The following CRAMP1 variants were observed in gnomAD, a reference collection of about 807,000 sequenced individuals.
CRAMP1 encodes the protein protein cramped-like.
CRAMP1 carries 50 observed loss-of-function variants against 115.4 expected under a neutral mutation model. That is an observed-to-expected ratio of 0.43 (90% confidence interval 0.35 to 0.55). CRAMP1 has a LOEUF of 0.55. Among genes scored for constraint, CRAMP1 ranks in the 20% least tolerant of loss-of-function variants. The probability of loss-of-function intolerance (pLI) is 0.01; values close to 1 mark genes in which losing one functional copy is unlikely to be tolerated. For synonymous variants in CRAMP1, 866 were observed against 745.4 expected (o/e 1.16, Z -2.64); for missense variants, 1,679 against 1,721.7 (o/e 0.98, Z 0.44).
intron 2 of CRAMP1, among the ~76,000 whole-genome samples, chr16:1,620,332 C>A (rs779439479): frequency 3.3e-5 from 5 of 152,192 alleles, no homozygotes; most frequent in African/African-American, 1.2e-4. Flanking sequence ...GGACGTTTCC[C>A]GGTGCTGGGG....
In CRAMP1 at chr16:1,653,227, T is replaced by A. The variant is rs2036739739; in HGVS notation, c.1037+71T>A. 3.2e-6 allele frequency: 5 copies of A among 1,538,610 alleles called. No individual in the cohort carries two copies. In the South Asian group the frequency reaches 4.8e-5, roughly 15 times the overall value. Reference sequence around the variant, plus strand: ...GGACTGGAAGCAACGTGTGTGAGTTTCCCTCAAGGAACTTCCAGGAGAAGC... The same window carrying A: ...GGACTGGAAGCAACGTGTGTGAGTTACCCTCAAGGAACTTCCAGGAGAAGC... On this transcript the variant is annotated intron_variant, in intron 8 of 20. Transcript: ENST00000397412.
intron 1 of CRAMP1, among the ~76,000 whole-genome samples, chr16:1,612,870 G>A (rs2036369590): frequency 6.6e-6 from 1 of 152,138 alleles, no homozygotes. Context: ...TCCGAGAAAA[G>A]TCCGGTCTCG....
chr16:1,656,783 G>A lies in CRAMP1; in HGVS notation c.2026G>A (p.Glu676Lys), dbSNP rs1430556494. 5.0e-5 allele frequency: 77 copies of A among 1,548,022 alleles called. No individual in the cohort carries two copies. In the East Asian group the frequency reaches 1.9e-3, roughly 37 times the overall value. ...ASRLAQQLREEGWNLQTSESL... is the reference protein window; with the variant it reads ...ASRLAQQLREKGWNLQTSESL... Reference sequence around the variant, plus strand: ...CCGGCTGGCTCAGCAGCTCCGTGAGGAGGGCTGGAACCTGCAGACCTCCGA... The same window carrying A: ...CCGGCTGGCTCAGCAGCTCCGTGAGAAGGGCTGGAACCTGCAGACCTCCGA... Residue 676 changes from glutamate to lysine, a missense_variant, in exon 10 of 21, where the codon GAG (glutamate) becomes AAG (lysine). Coordinates refer to ENST00000397412, the MANE Select transcript of CRAMP1 (RefSeq NM_020825.4). This position sits in a 1 kb window ranked among gnomAD's most constrained non-coding sequence, Gnocchi z 5.6.
Position 1,625,971 on chromosome 16 carries a change from A to T in CRAMP1, c.347-2A>T. 14 of 1,551,492 alleles carry T rather than the reference A, an allele frequency of 9.0e-6. No individual in the cohort carries two copies. The highest frequency in any genetic ancestry group is 1.2e-5 in the Non-Finnish European group (14 of 1,146,924). On this transcript the variant is annotated splice_acceptor_variant, in intron 2 of 20. Coordinates refer to ENST00000397412, the MANE Select transcript of CRAMP1 (RefSeq NM_020825.4). LOFTEE classifies it high-confidence loss of function. ...ATCACTGTACGGTGCTTTCTCTCCA[A>T]GGAGCTGAAGGTGGTGGATCATCGT...
chr16:1,614,910 A>C lies in CRAMP1; in HGVS notation c.271A>C (p.Ser91Arg). 1 of 1,318,244 alleles carries C rather than the reference A, an allele frequency of 7.6e-7. No individual in the cohort carries two copies. Among genetic ancestry groups the C allele is most frequent in the Non-Finnish European group, 9.7e-7 (1 of 1,033,534 alleles). The allele number at this position is 1,318,244 out of a possible 1,614,324, so 81.7% of individuals were successfully genotyped here. Residue 91 changes from serine to arginine, a missense_variant, in exon 2 of 21, where the codon AGC becomes CGC. Physicochemically the swap from Ser to Arg is moderately radical, Grantham distance 110 (BLOSUM62 -1). This residue lies in a region of CRAMP1 where 264 missense variants were observed against 229.7 expected (regional missense o/e 1.15). Transcript: ENST00000397412. The surrounding 1 kb of genome is among the most constrained non-coding windows in gnomAD (Gnocchi z 4.4). Reference sequence around the variant, plus strand: ...CCTCCGGTCCAGCGTGCGGCCGCAGAGCAAGAGGCCCAGGAAGGATCCTCC... The same window carrying C: ...CCTCCGGTCCAGCGTGCGGCCGCAGCGCAAGAGGCCCAGGAAGGATCCTCC... The part of the protein sequence containing the change: ...HFLRSSVRPQ[S>R]KRPRKDPPSA...
intron 4 of CRAMP1, among the ~76,000 whole-genome samples, chr16:1,635,894 G>A (rs1447222648): frequency 1.3e-5 from 2 of 152,162 alleles, no homozygotes; most frequent in East Asian, 1.9e-4. Flanking sequence ...ATGGGATCAC[G>A]TGCTATGTGT....
intron 2 of CRAMP1, among the ~76,000 whole-genome samples, 166 bp downstream of exon 2, chr16:1,615,151 C>T (rs561340709): frequency 2.6e-4 from 40 of 152,358 alleles, no homozygotes; most frequent in African/African-American, 8.7e-4. Context: ...TCCCCTCTCT[C>T]CTTCGAAGAG....
At chr16:1,646,675 G>A (rs1003407376) in intron 6 of CRAMP1, among the ~76,000 whole-genome samples, 1 of 152,212 alleles carries the variant, frequency 6.6e-6, no homozygotes, top group South Asian at 2.1e-4. Context: ...ATGAAGTCAA[G>A]TCTGTCACTG....
Position 1,674,791 on chromosome 16 carries a change from A to G in CRAMP1, c.*746A>G, listed in dbSNP as rs1050998604. 1 of 152,370 alleles carries G rather than the reference A, an allele frequency of 6.6e-6. No individual in the cohort carries two copies. Among genetic ancestry groups the G allele is most frequent in the Non-Finnish European group, 1.5e-5 (1 of 68,074 alleles). The allele number at this position is 152,370 out of a possible 1,614,324, so 9.4% of individuals were successfully genotyped here. A position where few individuals can be genotyped will look rare whatever the true frequency, so the allele number is the denominator to read the frequency against. ...TCTTGTGTTTTAAGAATTAGGAGAC[A>G]TGGAAGAGGAAGAACAAAGTCCCCT... On this transcript the variant is annotated 3_prime_UTR_variant, in exon 21 of 21. Coordinates refer to ENST00000397412, the MANE Select transcript of CRAMP1 (RefSeq NM_020825.4).
chr16:1,670,259 C>T (rs2036910614), intron 19 of CRAMP1, among the ~76,000 whole-genome samples: 1 of 148,592 alleles, frequency 6.7e-6, no homozygotes, highest in Non-Finnish European at 1.5e-5. Context: ...GAGACCCTGC[C>T]TTTAAAAAAA....
At chr16:1,630,185 G>A (rs1443008770) in intron 3 of CRAMP1, among the ~76,000 whole-genome samples, 2 of 151,926 alleles carry the variant, frequency 1.3e-5, no homozygotes, top group African/African-American at 4.8e-5. Flanking sequence ...GTCTTGCTTT[G>A]TCACCTAGGC....
rs770291876 is a variant in CRAMP1 at position 1,655,866 on chromosome 16, C to T, written c.1120-11C>T. On this transcript the variant is annotated splice_polypyrimidine_tract_variant and intron_variant, in intron 9 of 20. Transcript: ENST00000397412. ...GCTAGCCAGTGTGGGCCTTCCTTGA[C>T]GGGCACTCAGCGGAAGACACTCGAG... 1.1e-4 allele frequency: 175 copies of T among 1,597,438 alleles called. 1 individual carries two copies. The highest frequency in any genetic ancestry group is 1.3e-4 in the Non-Finnish European group (152 of 1,169,534).
chr16:1,633,415 G>T (rs866838975), intron 4 of CRAMP1, among the ~76,000 whole-genome samples: 2 of 152,294 alleles, frequency 1.3e-5, no homozygotes, highest in African/African-American at 4.8e-5. Context: ...GGAAACGGCT[G>T]TTGGTCTCTG....
At chr16:1,664,971 C>T in intron 13 of CRAMP1, 86 bp from the exon 14 acceptor site, 1 of 938,140 alleles carries the variant, frequency 1.1e-6, no homozygotes, top group East Asian at 2.4e-5. Flanking sequence ...TGGGCACCCT[C>T]TTACTTGGGA....
intron 2 of CRAMP1, among the ~76,000 whole-genome samples, chr16:1,616,253 C>G (rs1200920158): frequency 6.6e-6 from 1 of 152,160 alleles, no homozygotes; most frequent in Non-Finnish European, 1.5e-5. Context: ...TATGTCTAAG[C>G]TCATATAAGC....
rs137980581 is a variant in CRAMP1, at chr16:1,672,749, C to G, written c.3646-1132C>G. On this transcript the variant is annotated intron_variant, in intron 20 of 20. Coordinates refer to ENST00000397412, the MANE Select transcript of CRAMP1 (RefSeq NM_020825.4). The surrounding 1 kb of genome is among the most constrained non-coding windows in gnomAD (Gnocchi z 4.9). ...TCCTCATGAGGCTTCTACTCTAGAG[C>G]AGGACGCAGACAATAAGCGCTGAAA... Among the ~76,000 whole-genome samples the G allele has an allele frequency of 5.1e-4, 77 of 152,234 alleles. 1 individual carries two copies. Among genetic ancestry groups the G allele is most frequent in the African/African-American group, 1.7e-3 (71 of 41,544 alleles).
intron 10 of CRAMP1, among the ~76,000 whole-genome samples, chr16:1,658,721 G>A (rs970849704): frequency 1.3e-5 from 2 of 152,228 alleles, no homozygotes; most frequent in Non-Finnish European, 2.9e-5. Context: ...GGTGGAATGA[G>A]TAGCATAGGA....
chr16:1,622,300 T>C (rs932845815), intron 2 of CRAMP1, among the ~76,000 whole-genome samples: 6 of 152,122 alleles, frequency 3.9e-5, no homozygotes, highest in Admixed American at 1.3e-4. Flanking sequence ...ATTATCTGAG[T>C]TCAGGAGCTC....
chr16:1,613,031 T>G (rs1322384107), intron 1 of CRAMP1, among the ~76,000 whole-genome samples: 1 of 151,898 alleles, frequency 6.6e-6, no homozygotes, highest in Non-Finnish European at 1.5e-5. Flanking sequence ...GCGAGTTCAC[T>G]CTGGTGGCCG....
Sources: allele counts gnomAD v4.1 joint callset (sites outside exome capture counted in the v4.1 genomes callset), GRCh38; gene constraint gnomAD v4.1.1; regional missense constraint gnomAD v4.1.1; non-coding constraint Gnocchi (gnomAD v3.1); transcripts MANE v1.5; gene names NCBI Gene and HGNC (gene_info 2026-07-23, HGNC 2026-07-21).